The following CCSER1 variants were observed in gnomAD, a reference collection of about 807,000 sequenced individuals.
CCSER1 encodes serine-rich coiled-coil domain-containing protein 1.
In CCSER1, 41 loss-of-function variants were observed where a neutral mutation model predicts 82.0. That is an observed-to-expected ratio of 0.50 (90% CI 0.39 to 0.65). The LOEUF (loss-of-function observed/expected upper bound fraction) is 0.65. CCSER1 is among the 30% of genes least tolerant of loss of function. The pLI, the probability that CCSER1 is intolerant of heterozygous loss-of-function variation, is 0.00. For missense variants in CCSER1, 1,119 were observed against 1,064.2 expected (o/e 1.05, Z -0.72); for synonymous variants, 414 against 383.9 (o/e 1.08, Z -0.92).
chr4:90,885,055 A>G (rs1040485552), intron 8 of CCSER1, among the ~76,000 whole-genome samples: 1 of 152,192 alleles, frequency 6.6e-6, no homozygotes, highest in South Asian at 2.1e-4. Context: ...CTCATTCTGC[A>G]TTATAATAAA....
intron 9 of CCSER1, among the ~76,000 whole-genome samples, chr4:91,011,271 C>T (rs1738983133): frequency 7.5e-6 from 1 of 133,972 alleles, no homozygotes; most frequent in African/African-American, 2.5e-5. Flanking sequence ...TAAGTTCCTT[C>T]GTGGCAAGGG....
intron 5 of CCSER1, among the ~76,000 whole-genome samples, chr4:90,499,800 C>T (rs1037192072): frequency 2.0e-5 from 3 of 152,090 alleles, no homozygotes; most frequent in African/African-American, 7.2e-5. Context: ...GCTTTTAGGG[C>T]ACCCTCTAAA....
chr4:90,188,977 G>A (rs936738870), intron 1 of CCSER1, among the ~76,000 whole-genome samples: 10 of 151,932 alleles, frequency 6.6e-5, no homozygotes, highest in African/African-American at 2.4e-4. Flanking sequence ...GACTTGAGGG[G>A]TGTAGATATG....
chr4:90,338,770 T>C (rs190815387), intron 3 of CCSER1, among the ~76,000 whole-genome samples: 1 of 152,344 alleles, frequency 6.6e-6, no homozygotes, highest in Non-Finnish European at 1.5e-5. Context: ...ATCTATCTCC[T>C]GTTATGCCTT....
intron 10 of CCSER1, among the ~76,000 whole-genome samples, chr4:91,254,857 C>A (rs1427697717): frequency 6.6e-6 from 1 of 151,920 alleles, no homozygotes; most frequent in Non-Finnish European, 1.5e-5. Flanking sequence ...CTGGAAGTAG[C>A]ATATTATAGC....
At chr4:90,521,781 CT>C (rs986659524) in intron 5 of CCSER1, among the ~76,000 whole-genome samples, 15 of 151,744 alleles carry the variant, frequency 9.9e-5, no homozygotes, top group African/African-American at 3.6e-4. Context: ...TAGGATTTTT[CT>C]TTTCACATAT....
chr4:91,081,891 C>T (rs1722800850), intron 9 of CCSER1, among the ~76,000 whole-genome samples: 1 of 152,232 alleles, frequency 6.6e-6, no homozygotes, highest in East Asian at 1.9e-4. Context: ...GAACTACAAA[C>T]CACTGCTCAA....
chr4:91,080,549 C>T (rs1283232160), intron 9 of CCSER1, among the ~76,000 whole-genome samples: 1 of 151,932 alleles, frequency 6.6e-6, no homozygotes, highest in African/African-American at 2.4e-5. Flanking sequence ...TAGCAGAAGG[C>T]AAGAAATAAC....
chr4:90,651,095 AAG>A (rs1382260481), intron 6 of CCSER1, among the ~76,000 whole-genome samples: 2 of 152,320 alleles, frequency 1.3e-5, no homozygotes, highest in East Asian at 1.9e-4. Flanking sequence ...GATAGAGAGA[AAG>A]AGAAATTTTC....
At chr4:91,039,768 C>A (rs952949766) in intron 9 of CCSER1, among the ~76,000 whole-genome samples, 1 of 151,078 alleles carries the variant, frequency 6.6e-6, no homozygotes, top group African/African-American at 2.4e-5. Flanking sequence ...ATATAATATC[C>A]ACGTATGTGA....
chr4:90,923,403 T>C lies in CCSER1; in HGVS notation c.2128T>C (p.Ser710Pro). 6.4e-7 allele frequency: 1 copy of C among 1,551,454 alleles called. No individual in the cohort carries two copies. The highest frequency in any genetic ancestry group is 8.7e-7 in the Non-Finnish European group (1 of 1,146,824). ...CCGGCATTTACAGAAGGCTTTTGCT[T>C]CAAGAGTAGATAAATCCACACAGAC... The part of the protein sequence containing the change: ...KVRHLQKAFA[S>P]RVDKSTQTEL... Residue 710 changes from serine to proline, a missense_variant, in exon 9 of 11, where the codon TCA becomes CCA. Physicochemically the swap from Ser to Pro is moderately conservative, Grantham distance 74. Coordinates refer to ENST00000509176, the MANE Select transcript of CCSER1 (RefSeq NM_001145065.2).
intron 4 of CCSER1, among the ~76,000 whole-genome samples, chr4:90,427,935 A>T (rs1757753086): frequency 6.6e-6 from 1 of 151,956 alleles, no homozygotes; most frequent in South Asian, 2.1e-4. Context: ...TGTAAGCAGC[A>T]TACCTATGGT....
chr4:90,921,710 G>A (rs1188191231), intron 8 of CCSER1, among the ~76,000 whole-genome samples: 3 of 151,898 alleles, frequency 2.0e-5, no homozygotes, highest in African/African-American at 4.8e-5. Context: ...GGAAGCATTT[G>A]GCAGCTATTT....
At chr4:90,587,333 C>A (rs1782139893) in intron 5 of CCSER1, among the ~76,000 whole-genome samples, 1 of 152,142 alleles carries the variant, frequency 6.6e-6, no homozygotes, top group African/African-American at 2.4e-5. Flanking sequence ...AAATGCCTGG[C>A]CGGATGCAGT....
chr4:90,825,820 C>T (rs578103991), intron 8 of CCSER1, among the ~76,000 whole-genome samples: 77 of 148,600 alleles, frequency 5.2e-4, no homozygotes, highest in African/African-American at 1.8e-3. Flanking sequence ...ACCTCCACTT[C>T]CCAGGTTCAA....
chr4:90,691,504 GTA>G (rs1213652142), intron 6 of CCSER1, among the ~76,000 whole-genome samples: 1 of 151,536 alleles, frequency 6.6e-6, no homozygotes, highest in Non-Finnish European at 1.5e-5. Flanking sequence ...ATAAACGTGT[GTA>G]TATATTACAT....
At chr4:91,401,290 T>C (rs562575186) in intron 10 of CCSER1, among the ~76,000 whole-genome samples, 1 of 148,678 alleles carries the variant, frequency 6.7e-6, no homozygotes, top group South Asian at 2.1e-4. Context: ...ATAGATATAC[T>C]ATATAGTATA....
intron 3 of CCSER1, among the ~76,000 whole-genome samples, chr4:90,325,170 G>C (rs1737928743): frequency 6.6e-6 from 1 of 152,190 alleles, no homozygotes. Context: ...GTGTTCCGAT[G>C]TGGGGACAAT....
At chr4:90,919,691 G>A (rs1230543397) in intron 8 of CCSER1, among the ~76,000 whole-genome samples, 1 of 151,756 alleles carries the variant, frequency 6.6e-6, no homozygotes, top group African/African-American at 2.4e-5. Flanking sequence ...TTTAATCTCA[G>A]ATGAAATAAC....
Sources: allele counts gnomAD v4.1 joint callset (sites outside exome capture counted in the v4.1 genomes callset), GRCh38; gene constraint gnomAD v4.1.1; transcripts MANE v1.5; gene names NCBI Gene and HGNC (gene_info 2026-07-23, HGNC 2026-07-21).